Variants in SGCZ observed in about 807,000 individuals in gnomAD.
The protein encoded by SGCZ is sarcoglycan zeta, also known as zeta-sarcoglycan.
A neutral mutation model predicts 41.3 loss-of-function variants in SGCZ; 40 were observed. The ratio of observed to expected loss-of-function variants is 0.97; its 90% confidence interval spans 0.75 to 1.26. SGCZ has a LOEUF of 1.26. SGCZ is among the 50% of genes most tolerant of loss of function. The pLI is 0.00. For missense variants in SGCZ, 552 were observed against 369.8 expected (o/e 1.49, Z -4.04); for synonymous variants, 206 against 137.5 (o/e 1.50, Z -3.49).
intron 3 of SGCZ, among the ~76,000 whole-genome samples, chr8:14,297,035 T>C (rs7836552): frequency 0.26 from 38,891 of 151,818 alleles, 7,016 homozygotes; most frequent in African/African-American, 0.51. Flanking sequence ...GATTCTCCTG[T>C]CTCAGCATCC....
chr8:14,940,875 AC>A (rs1252799895), intron 1 of SGCZ, among the ~76,000 whole-genome samples: 1 of 152,102 alleles, frequency 6.6e-6, no homozygotes, highest in Non-Finnish European at 1.5e-5. Context: ...AAAAGAGACT[AC>A]ATTGTTAACA....
At chr8:14,137,269 T>A (rs1306815518) in intron 5 of SGCZ, among the ~76,000 whole-genome samples, 1 of 152,176 alleles carries the variant, frequency 6.6e-6, no homozygotes, top group Non-Finnish European at 1.5e-5. Context: ...GAGCACCTCT[T>A]CTCCTCCAAA....
At chr8:14,325,491 G>C (rs1031925505) in intron 2 of SGCZ, among the ~76,000 whole-genome samples, 2 of 146,394 alleles carry the variant, frequency 1.4e-5, no homozygotes, top group African/African-American at 5.0e-5. Context: ...ATATATAATA[G>C]ATTATATATA....
At chr8:14,740,094 C>T (rs1207450914) in intron 1 of SGCZ, among the ~76,000 whole-genome samples, 1 of 151,960 alleles carries the variant, frequency 6.6e-6, no homozygotes, top group Non-Finnish European at 1.5e-5. Context: ...TAATAAAATG[C>T]ATAAGTGATT....
chr8:15,170,456 T>C (rs1799794112), intron 1 of SGCZ, among the ~76,000 whole-genome samples: 1 of 152,198 alleles, frequency 6.6e-6, no homozygotes, highest in Non-Finnish European at 1.5e-5. Flanking sequence ...CACCCCTGCT[T>C]AGAGACCAGC....
intron 1 of SGCZ, among the ~76,000 whole-genome samples, chr8:14,964,007 C>T (rs1013488683): frequency 1.3e-5 from 2 of 152,052 alleles, no homozygotes; most frequent in African/African-American, 4.8e-5. Context: ...TAAATAAAAC[C>T]CTTCTCCTTT....
intron 1 of SGCZ, among the ~76,000 whole-genome samples, chr8:14,790,045 G>A (rs2130464961): frequency 6.6e-6 from 1 of 152,076 alleles, no homozygotes. Flanking sequence ...AATCTTCAGT[G>A]GTCATATCAA....
rs536186706 is a variant in SGCZ, at chr8:14,343,959, A to G, written c.235-19755T>C. 2.0e-5 allele frequency among the ~76,000 whole-genome samples: 3 copies of G among 152,330 alleles called. No individual in the cohort carries two copies. In the South Asian group the frequency reaches 6.2e-4, roughly 32 times the overall value. On this transcript the variant is annotated intron_variant, in intron 2 of 7. Coordinates refer to ENST00000382080, the MANE Select transcript of SGCZ (RefSeq NM_139167.4). Reference sequence around the variant, plus strand: ...ATTCACATATTGGTTCAAAATAATTATAATTCAAGTATTCAGAAAAATATA... The same window carrying G: ...ATTCACATATTGGTTCAAAATAATTGTAATTCAAGTATTCAGAAAAATATA...
intron 1 of SGCZ, among the ~76,000 whole-genome samples, chr8:14,634,379 GT>G (rs1806758995): frequency 6.6e-6 from 1 of 151,462 alleles, no homozygotes; most frequent in Admixed American, 6.6e-5. Context: ...TTTGTTCTGT[GT>G]TTTTTGTGTA....
intron 3 of SGCZ, among the ~76,000 whole-genome samples, chr8:14,255,640 A>T (rs190342010): frequency 2.9e-4 from 44 of 152,240 alleles, no homozygotes; most frequent in Admixed American, 1.0e-3. Context: ...TCATCCAAAA[A>T]TATTCTTTTA....
chr8:14,587,481 G>A (rs961510951), intron 1 of SGCZ, among the ~76,000 whole-genome samples: 2 of 149,218 alleles, frequency 1.3e-5, no homozygotes, highest in East Asian at 4.3e-4. Context: ...AGACAAGCTG[G>A]GCAACACAGG....
intron 1 of SGCZ, among the ~76,000 whole-genome samples, chr8:14,763,947 G>A (rs539052825): frequency 2.6e-5 from 4 of 152,282 alleles, no homozygotes; most frequent in South Asian, 2.1e-4. Context: ...TTTGACTTGC[G>A]GTAATCAAGT....
At chr8:14,647,999 A>G (rs1213766343) in intron 1 of SGCZ, among the ~76,000 whole-genome samples, 1 of 151,984 alleles carries the variant, frequency 6.6e-6, no homozygotes, top group Non-Finnish European at 1.5e-5. Context: ...GATTCTGCAA[A>G]GAGGAGCCCT....
At chr8:15,216,717 T>C (rs1563189249) in intron 1 of SGCZ, among the ~76,000 whole-genome samples, 1 of 152,120 alleles carries the variant, frequency 6.6e-6, no homozygotes, top group African/African-American at 2.4e-5. Context: ...GCAAGTATTT[T>C]AAAGAAATAC....
At chr8:14,466,945 T>G (rs1374228385) in intron 2 of SGCZ, among the ~76,000 whole-genome samples, 1 of 151,958 alleles carries the variant, frequency 6.6e-6, no homozygotes, top group African/African-American at 2.4e-5. Context: ...TGTCATCAGA[T>G]TGTTTTCAAG....
chr8:14,159,074 T>C (rs1803964906), intron 5 of SGCZ, among the ~76,000 whole-genome samples: 2 of 152,284 alleles, frequency 1.3e-5, no homozygotes, highest in South Asian at 2.1e-4. Flanking sequence ...TGGCCAGTAA[T>C]GTATTTTTTT....
At position 14,950,311 on chromosome 8, in the gene SGCZ, A is replaced by G. The variant is rs566638108; in HGVS notation, c.39+287274T>C. On this transcript the variant is annotated intron_variant, in intron 1 of 7. Transcript: ENST00000382080. ...TTGCCAAGCACATGTATAATGTTTT[A>G]TGTATCTCCCTCCCTCTTTGTCCCT... Among the ~76,000 whole-genome samples, 4 of 152,022 alleles carry G rather than the reference A, an allele frequency of 2.6e-5. No homozygotes were observed. The East Asian group carries it at 7.7e-4, about 29-fold the overall frequency.
chr8:15,178,886 G>C (rs997537369), intron 1 of SGCZ, among the ~76,000 whole-genome samples: 1 of 152,156 alleles, frequency 6.6e-6, no homozygotes, highest in Non-Finnish European at 1.5e-5. Context: ...TCCAATAAAT[G>C]CTACTTATTT....
intron 1 of SGCZ, among the ~76,000 whole-genome samples, chr8:15,156,956 A>G (rs1585622271): frequency 1.3e-5 from 2 of 151,740 alleles, no homozygotes; most frequent in African/African-American, 2.4e-5. Context: ...AAAAAAAAAA[A>G]AAAGAAAAGA....
Sources: allele counts gnomAD v4.1 joint callset (sites outside exome capture counted in the v4.1 genomes callset), GRCh38; gene constraint gnomAD v4.1.1; transcripts MANE v1.5; gene names NCBI Gene and HGNC (gene_info 2026-07-23, HGNC 2026-07-21).